The following RGS3 variants were observed in gnomAD, a reference collection of about 807,000 sequenced individuals.
RGS3 encodes regulator of G-protein signalling 3.
In RGS3, 80 loss-of-function variants were observed where a neutral mutation model predicts 132.6. That is an observed-to-expected ratio of 0.60 (90% CI 0.50 to 0.73). The LOEUF is 0.73. Among genes scored for constraint, RGS3 ranks in the 30% least tolerant of loss-of-function variants. The probability of loss-of-function intolerance (pLI) is 0.00; values close to 1 mark genes in which losing one functional copy is unlikely to be tolerated. For missense variants in RGS3, 1,382 were observed against 1,530.8 expected (o/e 0.90, Z 1.62); for synonymous variants, 598 against 620.6 (o/e 0.96, Z 0.54).
chr9:113,572,393 A>C (rs1834329484), intron 19 of RGS3, among the ~76,000 whole-genome samples: 1 of 152,050 alleles, frequency 6.6e-6, no homozygotes, highest in African/African-American at 2.4e-5. Flanking sequence ...TGCCTGCCTC[A>C]GGAGGCAGCG....
At chr9:113,503,187 AAGGCCTCGGGGC>A (rs1268486485) in intron 10 of RGS3, among the ~76,000 whole-genome samples, 2 of 152,218 alleles carry the variant, frequency 1.3e-5, no homozygotes, top group Admixed American at 1.3e-4. Flanking sequence ...AGAAGCCGCC[AAGGCCTCGGGGC>A]AGGGCTGCTC....
intron 20 of RGS3, chr9:113,589,200 G>C (rs1835284019): frequency 1.3e-5 from 2 of 152,292 alleles, no homozygotes; most frequent in South Asian, 4.1e-4. Flanking sequence ...CTAGGCCCTG[G>C]GCAGGCATTG....
At chr9:113,568,352 C>T (rs1050133564) in intron 19 of RGS3, among the ~76,000 whole-genome samples, 6 of 152,252 alleles carry the variant, frequency 3.9e-5, no homozygotes, top group Non-Finnish European at 8.8e-5. Context: ...ATAGACAAAG[C>T]CCCTTGGTCG....
intron 19 of RGS3, among the ~76,000 whole-genome samples, chr9:113,552,844 TG>T (rs1438629561): frequency 6.6e-6 from 1 of 152,236 alleles, no homozygotes; most frequent in Non-Finnish European, 1.5e-5. Flanking sequence ...GCACATTTTT[TG>T]TTAAATTTAT....
chr9:113,590,140 T>C (rs546280935), intron 20 of RGS3: 10 of 152,362 alleles, frequency 6.6e-5, no homozygotes, highest in Non-Finnish European at 1.0e-4. Flanking sequence ...AGGCCTTGAA[T>C]TGAGGCAGAT....
intron 7 of RGS3, among the ~76,000 whole-genome samples, chr9:113,488,938 A>C (rs774828398): frequency 6.6e-6 from 1 of 152,256 alleles, no homozygotes; most frequent in Non-Finnish European, 1.5e-5. Flanking sequence ...AATGCTCTCA[A>C]ATCAAATTGT....
chr9:113,523,638 C>A (rs1832067878), intron 17 of RGS3, among the ~76,000 whole-genome samples: 1 of 152,116 alleles, frequency 6.6e-6, no homozygotes, highest in African/African-American at 2.4e-5. Flanking sequence ...CTAACCCAAA[C>A]TTTCCACCAC....
chr9:113,569,717 A>G (rs1273715547), intron 19 of RGS3, among the ~76,000 whole-genome samples: 1 of 151,292 alleles, frequency 6.6e-6, no homozygotes, highest in Non-Finnish European at 1.5e-5. Flanking sequence ...TAGATCTAAA[A>G]GGCCCAATCT....
At chr9:113,540,488 G>T (rs1237340742) in intron 19 of RGS3, among the ~76,000 whole-genome samples, 1 of 152,170 alleles carries the variant, frequency 6.6e-6, no homozygotes, top group Non-Finnish European at 1.5e-5. Flanking sequence ...CCATGCTTGC[G>T]GGTCCTAAGA....
chr9:113,485,210 CTG>C, intron 6 of RGS3, among the ~76,000 whole-genome samples: 1 of 152,238 alleles, frequency 6.6e-6, no homozygotes, highest in East Asian at 1.9e-4. Flanking sequence ...GCCTCAGCCT[CTG>C]GAGTAGCTGG....
intron 17 of RGS3, among the ~76,000 whole-genome samples, chr9:113,527,054 C>T (rs1436864868): frequency 6.6e-6 from 1 of 152,242 alleles, no homozygotes; most frequent in Non-Finnish European, 1.5e-5. Flanking sequence ...CCGTCCTCCT[C>T]TCAAAGTACT....
At chr9:113,543,510 G>A (rs1213188137) in intron 19 of RGS3, among the ~76,000 whole-genome samples, 1 of 152,204 alleles carries the variant, frequency 6.6e-6, no homozygotes, top group Non-Finnish European at 1.5e-5. Flanking sequence ...GTCTGCCAGG[G>A]CTCAGCCCGC....
chr9:113,466,030 G>A (rs568665200), intron 3 of RGS3, among the ~76,000 whole-genome samples: 3 of 152,198 alleles, frequency 2.0e-5, no homozygotes, highest in African/African-American at 7.2e-5. Context: ...TCAGAAGCAT[G>A]TGGGGAGCCT....
intron 8 of RGS3, 147 bp from the exon 7 acceptor site, chr9:113,497,167 C>T (rs997581494): frequency 1.6e-6 from 1 of 630,676 alleles, no homozygotes; most frequent in Non-Finnish European, 2.8e-6. Context: ...GAGGTGCAGG[C>T]ATGGCAGCTC....
chr9:113,529,058 CA>C (rs1250941120), intron 17 of RGS3, among the ~76,000 whole-genome samples, 162 bp from the exon 16 acceptor site: 1 of 152,212 alleles, frequency 6.6e-6, no homozygotes, highest in Admixed American at 6.5e-5. Context: ...GTTACGTAGC[CA>C]ATTTTCCTCC....
chr9:113,565,189 G>C lies in RGS3; in HGVS notation c.2038-18261G>C. On this transcript the variant is annotated intron_variant, in intron 19 of 24. Transcript: ENST00000350696. The surrounding 1 kb of genome is among the most constrained non-coding windows in gnomAD (Gnocchi z 5.7). ...GTGTGAGCATGTAACCCGGGAGCCA[G>C]CTGGGCCCCTCGCGGGGTGGGCAGA... 3 of 1,239,322 alleles carry C rather than the reference G, an allele frequency of 2.4e-6. No individual in the cohort carries two copies. Among genetic ancestry groups the C allele is most frequent in the Non-Finnish European group, 2.1e-6 (2 of 963,678 alleles). 76.8% of individuals were successfully genotyped at this position (1,239,322 alleles called of 1,614,324 possible). A position where few individuals can be genotyped will look rare whatever the true frequency, so the allele number is the denominator to read the frequency against.
intron 19 of RGS3, among the ~76,000 whole-genome samples, chr9:113,546,595 G>A (rs1833127382): frequency 6.6e-6 from 1 of 152,196 alleles, no homozygotes; most frequent in South Asian, 2.1e-4. Context: ...TAGTGTCAGA[G>A]CCAGGACTAG....
intron 4 of RGS3, among the ~76,000 whole-genome samples, chr9:113,482,800 C>T (rs368742555): frequency 2.0e-5 from 3 of 152,118 alleles, no homozygotes; most frequent in East Asian, 1.9e-4. Flanking sequence ...GAATGTACCT[C>T]GTAATGCATT....
intron 19 of RGS3, among the ~76,000 whole-genome samples, chr9:113,543,532 G>A (rs72762002): frequency 0.12 from 18,105 of 152,228 alleles, 1,291 homozygotes; most frequent in African/African-American, 0.19. Context: ...GGGGGGATTT[G>A]TGAGAGGCTG....
Sources: allele counts gnomAD v4.1 joint callset (sites outside exome capture counted in the v4.1 genomes callset), GRCh38; gene constraint gnomAD v4.1.1; non-coding constraint Gnocchi (gnomAD v3.1); transcripts MANE v1.5; gene names NCBI Gene and HGNC (gene_info 2026-07-23, HGNC 2026-07-21).